The following GBP6 variants were observed in gnomAD, a reference collection of about 807,000 sequenced individuals.
The protein encoded by GBP6 is guanylate binding protein family member 6.
Under a neutral mutation model 61.5 loss-of-function variants are expected in GBP6, and 54 were observed. That is an observed-to-expected ratio of 0.88 (90% CI 0.71 to 1.10). GBP6 has a LOEUF of 1.10. GBP6 is among the 50% of genes least tolerant of loss of function. The probability of loss-of-function intolerance (pLI) is 0.00; values close to 1 mark genes in which losing one functional copy is unlikely to be tolerated. For missense variants in GBP6, 748 were observed against 752.8 expected (o/e 0.99, Z 0.07); for synonymous variants, 255 against 273.7 (o/e 0.93, Z 0.67).
chr1:89,382,752 C>T lies in GBP6; in HGVS notation c.1241C>T (p.Ser414Leu). The change falls in exon 8 of 11, where the codon TCA (serine) becomes TTA (leucine). Residue 414 changes from serine to leucine, a missense_variant. By Grantham distance (145) the Ser-to-Leu change is moderately radical. Transcript: ENST00000370456. ...TGCCAGGCTAAACTCAATGAGCTCTCAAAGGGACTAATGGAAAGTATCTCA... is the reference window on the plus strand; with the variant it reads ...TGCCAGGCTAAACTCAATGAGCTCTTAAAGGGACTAATGGAAAGTATCTCA... ...QYCQAKLNEL[S>L]KGLMESISAG... The T allele has an allele frequency of 6.2e-7, 1 of 1,613,964 alleles. No homozygotes were observed. The highest frequency in any genetic ancestry group is 8.5e-7 in the Non-Finnish European group (1 of 1,179,854).
At chr1:89,381,629 T>C (rs1180950015) in intron 6 of GBP6, 65 bp from the exon 7 acceptor site, 1 of 1,513,102 alleles carries the variant, frequency 6.6e-7, no homozygotes. Context: ...TGCTCAGAAA[T>C]GTAGCCTAGG....
chr1:89,368,171 T>C (rs1652517001), intron 1 of GBP6, among the ~76,000 whole-genome samples: 1 of 152,200 alleles, frequency 6.6e-6, no homozygotes, highest in South Asian at 2.1e-4. Flanking sequence ...CGTGATATCA[T>C]TTGTGTATTT....
At position 89,381,924 on chromosome 1, in the gene GBP6, A is replaced by G; in HGVS notation, c.1102A>G (p.Met368Val). The change falls in exon 7 of 11, where the codon ATG (methionine) becomes GTG (valine). Residue 368 changes from methionine (M) to valine (V), a missense_variant. By Grantham distance (21) the Met-to-Val change is conservative. Transcript: ENST00000370456. ...TGAGAGGGAAGCCATTGCAATCTTC[A>G]TGGAGCACTCCTTCAAGGATGAAAA... ...ACEREAIAIF[M>V]EHSFKDENQE... 4 of 1,614,000 alleles carry G rather than the reference A, an allele frequency of 2.5e-6. No individual in the cohort carries two copies. The highest frequency in any genetic ancestry group is 3.3e-4 in the Middle Eastern group (2 of 6,058).
At chr1:89,376,650 C>A (rs1324031315) in intron 3 of GBP6, among the ~76,000 whole-genome samples, 5 of 152,078 alleles carry the variant, frequency 3.3e-5, no homozygotes, top group African/African-American at 1.2e-4. Context: ...AAATATGATG[C>A]CCCCAGCTTT....
intron 3 of GBP6, among the ~76,000 whole-genome samples, chr1:89,372,770 T>A (rs1031344954): frequency 6.6e-6 from 1 of 152,172 alleles, no homozygotes; most frequent in Non-Finnish European, 1.5e-5. Flanking sequence ...ACTTCATGTC[T>A]AAAACACCAA....
chr1:89,367,821 C>T (rs1346531462), intron 1 of GBP6, among the ~76,000 whole-genome samples: 2 of 152,162 alleles, frequency 1.3e-5, no homozygotes, highest in African/African-American at 4.8e-5. Context: ...CTTCTTTGCT[C>T]CCTCCACTTC....
intron 4 of GBP6, 100 bp downstream of exon 4, chr1:89,378,312 G>A (rs1334507666): frequency 2.0e-6 from 3 of 1,498,466 alleles, no homozygotes; most frequent in Admixed American, 3.9e-5. Flanking sequence ...ATTACCTGTG[G>A]TGCAGCACAG....
At chr1:89,367,795 G>A (rs1362571360) in intron 1 of GBP6, among the ~76,000 whole-genome samples, 1 of 152,128 alleles carries the variant, frequency 6.6e-6, no homozygotes, top group Non-Finnish European at 1.5e-5. Flanking sequence ...TCAGGTTAGT[G>A]TGTTACAAAT....
intron 6 of GBP6, among the ~76,000 whole-genome samples, chr1:89,380,913 C>T (rs116774743): frequency 5.3e-5 from 8 of 152,156 alleles, no homozygotes; most frequent in African/African-American, 1.9e-4. Context: ...ATAATATTTT[C>T]TTAGGGGAAA....
chr1:89,369,819 G>C, intron 3 of GBP6, 146 bp downstream of exon 3: 1 of 902,198 alleles, frequency 1.1e-6, no homozygotes, highest in South Asian at 2.1e-5. Flanking sequence ...TTCTAGACAA[G>C]GTTAGATATC....
intron 5 of GBP6, among the ~76,000 whole-genome samples, chr1:89,379,966 T>C (rs115165378): frequency 1.5e-3 from 224 of 152,286 alleles, no homozygotes; most frequent in African/African-American, 5.1e-3. Flanking sequence ...AGTGAGACCC[T>C]GTCTCTATAA....
At chr1:89,381,354 A>G (rs1055497306) in intron 6 of GBP6, among the ~76,000 whole-genome samples, 1 of 151,980 alleles carries the variant, frequency 6.6e-6, no homozygotes, top group African/African-American at 2.4e-5. Flanking sequence ...CAGAATTAGG[A>G]ATAAATGTGA....
chr1:89,370,007 G>A (rs1177466410), intron 3 of GBP6, among the ~76,000 whole-genome samples: 1 of 152,204 alleles, frequency 6.6e-6, no homozygotes. Flanking sequence ...AGTGTGACTG[G>A]GAAAGAAGCA....
intron 1 of GBP6, among the ~76,000 whole-genome samples, chr1:89,365,049 C>T (rs887637165): frequency 1.4e-5 from 2 of 143,732 alleles, no homozygotes; most frequent in African/African-American, 5.1e-5. Context: ...TTGTTCAACT[C>T]CCACTTACCA....
In GBP6 at chr1:89,387,907, C is replaced by T. The variant is rs926282601; in HGVS notation, c.*2438C>T. Among the ~76,000 whole-genome samples the T allele has an allele frequency of 2.6e-5, 4 of 152,060 alleles. No individual in the cohort carries two copies. The highest frequency in any genetic ancestry group is 1.9e-4 in the East Asian group (1 of 5,178). On this transcript the variant is annotated 3_prime_UTR_variant, in exon 11 of 11. Transcript: ENST00000370456. The stretch of plus-strand genomic sequence containing the variant: ...GAGATTGTGCCATTGCACTCCAGCC[C>T]GGGCAACAGAGCCTGGGCGACAGAG...
chr1:89,381,076 G>T (rs1652963157), intron 6 of GBP6, among the ~76,000 whole-genome samples: 1 of 151,958 alleles, frequency 6.6e-6, no homozygotes, highest in African/African-American at 2.4e-5. Flanking sequence ...CTTGAGCTCA[G>T]GAGTTTGAGA....
intron 3 of GBP6, among the ~76,000 whole-genome samples, chr1:89,372,879 C>T (rs941652545): frequency 1.3e-5 from 2 of 152,100 alleles, no homozygotes; most frequent in Non-Finnish European, 2.9e-5. Flanking sequence ...GAACAGGCAA[C>T]CTACAGAATG....
In GBP6 at chr1:89,368,727, C is replaced by T; in HGVS notation, c.176C>T (p.Ala59Val). The change falls in exon 2 of 11, where the codon GCA becomes GTA. Residue 59 changes from alanine to valine, a missense_variant. Ala to Val is a moderately conservative substitution (Grantham distance 64). Transcript: ENST00000370456. ...AAATCCTACTTGATGAACCATCTGG[C>T]AGGACAGAATCATGGTAAGTGGTAT... ...TGKSYLMNHLAGQNHGFPLGS... is the reference protein window; with the variant it reads ...TGKSYLMNHLVGQNHGFPLGS... 6.2e-7 allele frequency: 1 copy of T among 1,612,940 alleles called. No homozygotes were observed.
Position 89,378,199 on chromosome 1 carries a change from C to T in GBP6, c.415C>T (p.Leu139=). ...CATGAGCACCATCAACCACCAGGCC[C>T]TGGAGCAGCTGCAGTATCCTTCCAG... The part of the protein sequence containing the change: ...NSMSTINHQA[L]EQLHYVTELT... The change falls in exon 4 of 11, where the codon CTG becomes TTG. Residue 139 remains leucine (L), a synonymous_variant. Transcript: ENST00000370456. 1 of 1,610,496 alleles carries T rather than the reference C, an allele frequency of 6.2e-7. No homozygotes were observed. The highest frequency in any genetic ancestry group is 8.5e-7 in the Non-Finnish European group (1 of 1,179,222).
Sources: allele counts gnomAD v4.1 joint callset (sites outside exome capture counted in the v4.1 genomes callset), GRCh38; gene constraint gnomAD v4.1.1; transcripts MANE v1.5; gene names NCBI Gene and HGNC (gene_info 2026-07-23, HGNC 2026-07-21).